CLMP: variants seen among roughly 807,000 people sequenced by gnomAD.
The protein encoded by CLMP is CXADR like cell adhesion molecule, also known as CXADR-like membrane protein.
A neutral mutation model predicts 45.2 loss-of-function variants in CLMP; 27 were observed. The ratio of observed to expected loss-of-function variants is 0.60; its 90% confidence interval spans 0.44 to 0.82. The LOEUF is 0.82. Among genes scored for constraint, CLMP ranks in the 40% least tolerant of loss-of-function variants. CLMP has a pLI of 0.00. For synonymous variants in CLMP, 167 were observed against 171.4 expected (o/e 0.97, Z 0.20); for missense variants, 403 against 448.4 (o/e 0.90, Z 0.91).
intron 1 of CLMP, chr11:123,191,434 A>G (rs1374656704): frequency 6.6e-6 from 1 of 152,234 alleles, no homozygotes; most frequent in East Asian, 1.9e-4. Context: ...CTATGCATTC[A>G]TGCCTTCTTC....
chr11:123,098,019 A>T, intron 1 of CLMP, 67 bp from the exon 2 acceptor site: 1 of 1,310,606 alleles, frequency 7.6e-7, no homozygotes, highest in Non-Finnish European at 1.0e-6. Flanking sequence ...AGCAAATATG[A>T]CAACAAAGAA....
At chr11:123,119,694 G>GTT (rs112632000) in intron 1 of CLMP, among the ~76,000 whole-genome samples, 355 of 149,272 alleles carry the variant, frequency 2.4e-3, no homozygotes, top group African/African-American at 7.1e-3. Context: ...TTATTTTGTT[G>GTT]TTTTTTTTTT....
In CLMP at chr11:123,084,667, TC is replaced by T; in HGVS notation, c.232del (p.Glu78AsnfsTer24). The T allele has an allele frequency of 1.9e-6, 3 of 1,614,128 alleles. No homozygotes were observed. Among genetic ancestry groups the T allele is most frequent in the Non-Finnish European group, 2.5e-6 (3 of 1,179,994 alleles). On this transcript the variant is annotated frameshift_variant, in exon 3 of 7. Transcript: ENST00000448775. LOFTEE classifies it high-confidence loss of function. ...AGCAAAGGCCACTCGGCCCTTCTGT[TC>T]CTCAGTCAAGTTATTGTAGACATGA... ...SRHVYNNLTE[E>X]QKGRVAFASN...
intron 1 of CLMP, among the ~76,000 whole-genome samples, chr11:123,166,452 C>T (rs932282366): frequency 3.9e-5 from 6 of 152,222 alleles, no homozygotes; most frequent in Non-Finnish European, 2.9e-5. Flanking sequence ...CCCAAACAGC[C>T]TTGTATCTTC....
At chr11:123,115,279 C>G (rs1176189333) in intron 1 of CLMP, among the ~76,000 whole-genome samples, 1 of 151,956 alleles carries the variant, frequency 6.6e-6, no homozygotes, top group African/African-American at 2.4e-5. Flanking sequence ...AACTCCTGGG[C>G]TCAAGCGATC....
intron 1 of CLMP, among the ~76,000 whole-genome samples, chr11:123,129,795 G>A (rs924860204): frequency 1.3e-5 from 2 of 150,810 alleles, no homozygotes; most frequent in South Asian, 4.2e-4. Flanking sequence ...AAGCCACACT[G>A]ATGCAAGTTA....
intron 1 of CLMP, among the ~76,000 whole-genome samples, chr11:123,134,906 C>T (rs12287633): frequency 0.27 from 41,583 of 151,940 alleles, 6,414 homozygotes; most frequent in African/African-American, 0.43. Context: ...GTCATAAATC[C>T]AAGAGCAGCA....
At chr11:123,160,779 A>G (rs1255547749) in intron 1 of CLMP, among the ~76,000 whole-genome samples, 1 of 152,028 alleles carries the variant, frequency 6.6e-6, no homozygotes, top group Non-Finnish European at 1.5e-5. Context: ...GGAGTTCAAG[A>G]CCAGCCTGGC....
At chr11:123,192,196 G>C (rs973473207) in intron 1 of CLMP, among the ~76,000 whole-genome samples, 2 of 152,218 alleles carry the variant, frequency 1.3e-5, no homozygotes, top group Non-Finnish European at 2.9e-5. Context: ...ATCTGGGGGT[G>C]AGTAGAGGAA....
chr11:123,184,867 G>A (rs944880891), intron 1 of CLMP, among the ~76,000 whole-genome samples: 4 of 152,302 alleles, frequency 2.6e-5, no homozygotes, highest in African/African-American at 7.2e-5. Flanking sequence ...CCGCTCACCG[G>A]GCTTGGTATT....
At chr11:123,114,796 A>C (rs1288642411) in intron 1 of CLMP, among the ~76,000 whole-genome samples, 1 of 152,156 alleles carries the variant, frequency 6.6e-6, no homozygotes, top group Non-Finnish European at 1.5e-5. Flanking sequence ...CTTCTCAATA[A>C]TCTTGTGAAG....
intron 1 of CLMP, among the ~76,000 whole-genome samples, chr11:123,150,451 G>GAAAGAAAGAAAT (rs1861300814): frequency 1.1e-5 from 1 of 86,960 alleles, no homozygotes; most frequent in Non-Finnish European, 2.4e-5. Context: ...AAGAAAGAAA[G>GAAAGAAAGAAAT]AAAGAAAGAA....
At chr11:123,115,416 CTTCTT>C (rs1157871254) in intron 1 of CLMP, among the ~76,000 whole-genome samples, 5 of 152,046 alleles carry the variant, frequency 3.3e-5, no homozygotes, top group Non-Finnish European at 5.9e-5. Flanking sequence ...AACTCACAGT[CTTCTT>C]TACTGTTATT....
chr11:123,077,823 A>G (rs1865757646), intron 5 of CLMP, among the ~76,000 whole-genome samples: 2 of 152,258 alleles, frequency 1.3e-5, no homozygotes, highest in South Asian at 4.1e-4. Flanking sequence ...GGAAAATAAT[A>G]TATCTCAGTG....
chr11:123,175,460 G>A (rs1239095975), intron 1 of CLMP, among the ~76,000 whole-genome samples: 1 of 152,124 alleles, frequency 6.6e-6, no homozygotes, highest in Admixed American at 6.5e-5. Context: ...TCCCTCCCTT[G>A]ACAGGTGGGG....
At chr11:123,106,413 G>T (rs1203319618) in intron 1 of CLMP, among the ~76,000 whole-genome samples, 1 of 120,260 alleles carries the variant, frequency 8.3e-6, no homozygotes, top group Non-Finnish European at 1.8e-5. Context: ...GTGTGTGTGT[G>T]TGTGTGTGTG....
At position 123,070,579 on chromosome 11, in the gene CLMP, AC is replaced by A. The variant is rs1865660491; in HGVS notation, c.*2894del. The A allele has an allele frequency of 6.6e-6, 1 of 152,184 alleles. No individual in the cohort carries two copies. Among genetic ancestry groups the A allele is most frequent in the Non-Finnish European group, 1.5e-5 (1 of 68,034 alleles). 9.4% of individuals were successfully genotyped at this position (152,184 alleles called of 1,614,324 possible). A position where few individuals can be genotyped will look rare whatever the true frequency, so the allele number is the denominator to read the frequency against. On this transcript the variant is annotated 3_prime_UTR_variant, in exon 7 of 7. Transcript: ENST00000448775. ...TTGCTTTCAAAAGCATAGGCAGGAA[AC>A]CTTAGGTTCAAAGGTAGTAAATAAT...
intron 1 of CLMP, among the ~76,000 whole-genome samples, chr11:123,106,712 G>A (rs1860563381): frequency 6.6e-6 from 1 of 152,046 alleles, no homozygotes; most frequent in Non-Finnish European, 1.5e-5. Flanking sequence ...TCAGCAAATG[G>A]CAACTACTAT....
At position 123,098,701 on chromosome 11, in the gene CLMP, ATT is replaced by A. The variant is rs1156546713; in HGVS notation, c.29-751_29-750del. Among the ~76,000 whole-genome samples the A allele has an allele frequency of 8.0e-3, 898 of 112,610 alleles. 7 individuals carry two copies. The highest frequency in any genetic ancestry group is 0.028 in the African/African-American group (794 of 28,616). 73.9% of individuals were successfully genotyped at this position (112,610 alleles called of 152,430 possible). A position where few individuals can be genotyped will look rare whatever the true frequency, so the allele number is the denominator to read the frequency against. On this transcript the variant is annotated intron_variant, in intron 1 of 6. Coordinates refer to ENST00000448775, the MANE Select transcript of CLMP (RefSeq NM_024769.5). ...TAGGCACATGCCACCATCCTGGCTA[ATT>A]TTTTTTTTTTTTTTTTTTTTTGAGA...
Sources: gnomAD v4.1 joint callset for allele counts (sites outside exome capture counted in the v4.1 genomes callset) on GRCh38, gnomAD v4.1.1 for gene constraint, MANE v1.5 for transcripts, NCBI Gene and HGNC (gene_info 2026-07-23, HGNC 2026-07-21) for gene names.